Variants in MORC2 observed in about 807,000 individuals in gnomAD.
MORC2 encodes the protein MORC family CW-type zinc finger 2, also known as ATPase MORC2.
A neutral mutation model predicts 136.0 loss-of-function variants in MORC2; 30 were observed. The ratio of observed to expected loss-of-function variants is 0.22; its 90% confidence interval spans 0.17 to 0.30. The LOEUF (loss-of-function observed/expected upper bound fraction) is 0.30, where lower values mean the gene tolerates loss of function less well. Ranked by LOEUF, MORC2 falls within the 10% of genes least tolerant of loss-of-function variation. The probability of loss-of-function intolerance (pLI) is 1.00; values close to 1 mark genes in which losing one functional copy is unlikely to be tolerated. For missense variants in MORC2, 922 were observed against 1,333.1 expected (o/e 0.69, Z 4.80); for synonymous variants, 439 against 487.0 (o/e 0.90, Z 1.30).
chr22:30,931,592 C>T (rs187727435), intron 24 of MORC2, among the ~76,000 whole-genome samples: 2 of 152,314 alleles, frequency 1.3e-5, no homozygotes, highest in African/African-American at 2.4e-5. Flanking sequence ...TGCCTGGACC[C>T]CACTCCCAGA....
At chr22:30,943,133 C>T (rs989334419) in intron 6 of MORC2, among the ~76,000 whole-genome samples, 6 of 152,118 alleles carry the variant, frequency 3.9e-5, no homozygotes, top group African/African-American at 1.2e-4. Flanking sequence ...GGATGAACAA[C>T]ATAAACACAG....
chr22:30,957,860 G>A (rs529977444), intron 2 of MORC2, among the ~76,000 whole-genome samples: 51 of 152,300 alleles, frequency 3.3e-4, no homozygotes, highest in Non-Finnish European at 6.8e-4. Flanking sequence ...AGGTAAAGAG[G>A]AAATTATCAG....
intron 6 of MORC2, among the ~76,000 whole-genome samples, chr22:30,945,752 C>T (rs978282669): frequency 2.6e-5 from 4 of 152,310 alleles, no homozygotes; most frequent in South Asian, 4.1e-4. Flanking sequence ...TCCAGCATAG[C>T]AGTAATCACT....
Position 30,942,118 on chromosome 22 carries a change from C to T in MORC2, c.580G>A (p.Asp194Asn). 4 of 1,613,576 alleles carry T rather than the reference C, an allele frequency of 2.5e-6. No homozygotes were observed. Among genetic ancestry groups the T allele is most frequent in the Non-Finnish European group, 3.4e-6 (4 of 1,179,544 alleles). The stretch of plus-strand genomic sequence containing the variant: ...AGGCTCAAAGCCTACTTACCGCTGT[C>T]CCCAGGAATCTTCATAAACTGGGTC... ...VMTQFMKIPG[D>N]SGTLVIIFNL... The change falls in exon 7 of 26, where the codon GAC (aspartate) becomes AAC (asparagine). Residue 194 changes from aspartate (D) to asparagine (N), a missense_variant. Asp to Asn is a conservative substitution (Grantham distance 23). Coordinates refer to ENST00000397641, the MANE Select transcript of MORC2 (RefSeq NM_001303256.3).
rs147103919 is a variant in MORC2 at position 30,958,968 on chromosome 22, A to G, written c.69-274T>C. 83 of 319,798 alleles carry G rather than the reference A, an allele frequency of 2.6e-4. No homozygotes were observed. In the Middle Eastern group the frequency reaches 6.6e-3, roughly 26 times the overall value. The allele number at this position is 319,798 out of a possible 1,614,324, so 19.8% of individuals were successfully genotyped here. Reference sequence around the variant, plus strand: ...CATTGAAAGAGTCCTATGTGTAGTAACTGCTAAAAGTGTTTTTCACTATTC... The same window carrying G: ...CATTGAAAGAGTCCTATGTGTAGTAGCTGCTAAAAGTGTTTTTCACTATTC... On this transcript the variant is annotated intron_variant, in intron 1 of 25. Transcript: ENST00000397641.
intron 21 of MORC2, 55 bp from the exon 22 acceptor site, chr22:30,933,085 G>T: frequency 6.2e-7 from 1 of 1,604,090 alleles, no homozygotes; most frequent in Non-Finnish European, 8.5e-7. Context: ...TCCCTCACTT[G>T]GCCTGGGCCA....
At chr22:30,927,952 A>T in intron 25 of MORC2, 67 bp downstream of exon 25, 1 of 1,571,428 alleles carries the variant, frequency 6.4e-7, no homozygotes, top group Non-Finnish European at 8.7e-7. Flanking sequence ...GAACAGGAAC[A>T]GGGCCCAGGC....
At chr22:30,946,745 A>T (rs996125596) in intron 5 of MORC2, among the ~76,000 whole-genome samples, 6 of 152,156 alleles carry the variant, frequency 3.9e-5, no homozygotes, top group African/African-American at 1.4e-4. Flanking sequence ...ACGGCAGACC[A>T]CCAGCCCCAG....
chr22:30,934,993 C>T lies in MORC2; in HGVS notation c.1981G>A (p.Glu661Lys). The T allele has an allele frequency of 6.2e-7, 1 of 1,614,032 alleles. No individual in the cohort carries two copies. Among genetic ancestry groups the T allele is most frequent in the East Asian group, 2.2e-5 (1 of 44,870 alleles). ...TGGAGCAGCCTAGATGTGCTGGCCTCCTCCCGGGCTGCCAAAGCAGGGAGC... is the reference window on the plus strand; with the variant it reads ...TGGAGCAGCCTAGATGTGCTGGCCTTCTCCCGGGCTGCCAAAGCAGGGAGC... ...PKLPALAARE[E>K]ASTSRLLQPP... Residue 661 changes from glutamate to lysine, a missense_variant, in exon 19 of 26, where the codon GAG (glutamate) becomes AAG (lysine). Transcript: ENST00000397641. The surrounding 1 kb of genome is among the most constrained non-coding windows in gnomAD (Gnocchi z 4.4).
intron 1 of MORC2, among the ~76,000 whole-genome samples, chr22:30,961,413 C>G (rs1322119560): frequency 2.6e-5 from 4 of 152,282 alleles, no homozygotes; most frequent in Middle Eastern, 3.4e-3. Flanking sequence ...TGGTTTCAAA[C>G]TTTCAACCAG....
rs1005252 is a variant in MORC2, at chr22:30,939,737, T to A, written c.988-31A>T. The stretch of plus-strand genomic sequence containing the variant: ...CACATTGACATCAGGTGAGGGGAGG[T>A]GGCACTCTAGGCCACAGCAGGGAAT... On this transcript the variant is annotated intron_variant, in intron 11 of 25. Coordinates refer to ENST00000397641, the MANE Select transcript of MORC2 (RefSeq NM_001303256.3). The A allele has an allele frequency of 0.53, 853,700 of 1,604,550 alleles. 229,500 individuals carry two copies. Among genetic ancestry groups the A allele is most frequent in the East Asian group, 0.73 (32,452 of 44,750 alleles).
At position 30,932,944 on chromosome 22, in the gene MORC2, G is replaced by A. The variant is rs2040597155; in HGVS notation, c.2467C>T (p.Arg823Trp). ...TAVEVGKHVV[R>W]WKVKFDYVPT... ...ACGTAGTCAAACTTCACCTTCCACC[G>A]CACCACATGCTTGCCCACCTCCACG... Residue 823 changes from arginine to tryptophan, a missense_variant, in exon 22 of 26, where the codon CGG (arginine) becomes TGG (tryptophan). Coordinates refer to ENST00000397641, the MANE Select transcript of MORC2 (RefSeq NM_001303256.3). The surrounding 1 kb of genome is among the most constrained non-coding windows in gnomAD (Gnocchi z 4.4). 4.3e-6 allele frequency: 7 copies of A among 1,614,004 alleles called. No individual in the cohort carries two copies. Among genetic ancestry groups the A allele is most frequent in the African/African-American group, 1.3e-5 (1 of 74,906 alleles).
In MORC2 at chr22:30,968,075, G is replaced by A. The variant is rs2041156397; in HGVS notation, c.-186C>T. On this transcript the variant is annotated 5_prime_UTR_variant, in exon 1 of 26. Transcript: ENST00000397641. ...GTTTAAAACTACAATTTCTTCAAGTGTTTTTTTTTAATCTTCTCAATGATT... is the reference window on the plus strand; with the variant it reads ...GTTTAAAACTACAATTTCTTCAAGTATTTTTTTTTAATCTTCTCAATGATT... 3.8e-6 allele frequency: 2 copies of A among 532,088 alleles called. No homozygotes were observed. Among genetic ancestry groups the A allele is most frequent in the East Asian group, 6.6e-5 (2 of 30,504 alleles). 33.0% of individuals were successfully genotyped at this position (532,088 alleles called of 1,614,324 possible).
At chr22:30,926,904 G>A in intron 25 of MORC2, 33 bp from the exon 26 acceptor site, 1 of 1,582,730 alleles carries the variant, frequency 6.3e-7, no homozygotes, top group Non-Finnish European at 8.7e-7. Context: ...TCAACTGGGG[G>A]CCAGAAAGTG....
chr22:30,953,010 G>A (rs913856247), intron 3 of MORC2, among the ~76,000 whole-genome samples: 3 of 152,208 alleles, frequency 2.0e-5, no homozygotes, highest in Non-Finnish European at 4.4e-5. Flanking sequence ...CTGAGGTGGG[G>A]CATTCGCATT....
At chr22:30,931,766 C>T (rs2040579066) in intron 24 of MORC2, among the ~76,000 whole-genome samples, 1 of 152,254 alleles carries the variant, frequency 6.6e-6, no homozygotes, top group African/African-American at 2.4e-5. Flanking sequence ...CTCGCTGCTC[C>T]TGCCCCCATG....
chr22:30,949,736 C>A lies in MORC2; in HGVS notation c.317+16G>T, dbSNP rs368390697. On this transcript the variant is annotated intron_variant, in intron 5 of 25. Transcript: ENST00000397641. ...GATTTTGTTTGAGCCCTGTGACAAG[C>A]TTCTAATATACCTACGATTTTAACC... The A allele has an allele frequency of 3.7e-6, 6 of 1,607,780 alleles. No individual in the cohort carries two copies. The African/African-American group carries it at 5.4e-5, about 14-fold the overall frequency.
intron 2 of MORC2, 83 bp from the exon 3 acceptor site, chr22:30,956,880 G>A: frequency 9.1e-7 from 1 of 1,094,962 alleles, no homozygotes; most frequent in Non-Finnish European, 1.3e-6. Context: ...GTAGAATGCA[G>A]AGTATTTTGA....
chr22:30,949,661 G>T (rs2040861832), intron 5 of MORC2, 91 bp downstream of exon 5: 1 of 1,089,260 alleles, frequency 9.2e-7, no homozygotes, highest in Non-Finnish European at 1.4e-6. Context: ...TCAATAGAGG[G>T]ACAAGGAGAA....
Sources: allele counts gnomAD v4.1 joint callset (sites outside exome capture counted in the v4.1 genomes callset), GRCh38; gene constraint gnomAD v4.1.1; non-coding constraint Gnocchi (gnomAD v3.1); transcripts MANE v1.5; gene names NCBI Gene and HGNC (gene_info 2026-07-23, HGNC 2026-07-21).